The following PLXDC2 variants were observed in gnomAD, a reference collection of about 807,000 sequenced individuals.
The protein encoded by PLXDC2 is plexin domain containing 2.
PLXDC2 carries 40 observed loss-of-function variants against 68.9 expected under a neutral mutation model. That is an observed-to-expected ratio of 0.58 (90% confidence interval 0.45 to 0.76). The LOEUF (loss-of-function observed/expected upper bound fraction) is 0.76, where lower values mean the gene tolerates loss of function less well. Among genes scored for constraint, PLXDC2 ranks in the 30% least tolerant of loss-of-function variants. PLXDC2 has a pLI of 0.00. For synonymous variants in PLXDC2, 243 were observed against 234.2 expected (o/e 1.04, Z -0.34); for missense variants, 644 against 661.9 (o/e 0.97, Z 0.30).
chr10:20,057,954 T>A (rs948450503), intron 3 of PLXDC2, among the ~76,000 whole-genome samples: 15 of 152,098 alleles, frequency 9.9e-5, no homozygotes, highest in African/African-American at 3.1e-4. Context: ...CTCTTTGTGT[T>A]ATTTTTTGTA....
chr10:20,238,175 T>C (rs1260439908), intron 12 of PLXDC2, among the ~76,000 whole-genome samples: 2 of 149,664 alleles, frequency 1.3e-5, no homozygotes, highest in African/African-American at 4.9e-5. Flanking sequence ...TACATATATA[T>C]ACAAATATAT....
chr10:19,935,163 G>C (rs1157117750), intron 1 of PLXDC2, among the ~76,000 whole-genome samples: 1 of 152,156 alleles, frequency 6.6e-6, no homozygotes, highest in Admixed American at 6.5e-5. Context: ...CCCTTCCTTG[G>C]AGTTCACGGG....
At chr10:19,934,058 T>G (rs1012518579) in intron 1 of PLXDC2, among the ~76,000 whole-genome samples, 4 of 152,236 alleles carry the variant, frequency 2.6e-5, no homozygotes, top group African/African-American at 9.6e-5. Flanking sequence ...TCCTTACTTT[T>G]TCTTCCAATT....
At chr10:19,915,442 T>C (rs1425366318) in intron 1 of PLXDC2, among the ~76,000 whole-genome samples, 1 of 152,236 alleles carries the variant, frequency 6.6e-6, no homozygotes, top group Non-Finnish European at 1.5e-5. Context: ...AAATGTCTTC[T>C]TTACATACAT....
At chr10:20,134,727 A>G (rs1410316841) in intron 4 of PLXDC2, among the ~76,000 whole-genome samples, 1 of 151,972 alleles carries the variant, frequency 6.6e-6, no homozygotes, top group African/African-American at 2.4e-5. Flanking sequence ...GTGCCACATC[A>G]TTCATCCTGG....
chr10:19,850,114 A>G (rs755118675), intron 1 of PLXDC2, among the ~76,000 whole-genome samples: 46 of 152,164 alleles, frequency 3.0e-4, no homozygotes, highest in Admixed American at 7.9e-4. Flanking sequence ...CACCCTCTAA[A>G]GAGAGCAATG....
intron 2 of PLXDC2, among the ~76,000 whole-genome samples, chr10:20,029,148 T>A (rs1247740953): frequency 6.6e-6 from 1 of 152,176 alleles, no homozygotes; most frequent in Non-Finnish European, 1.5e-5. Context: ...TGAACCTTAT[T>A]TTTCTTACCT....
At chr10:19,903,642 A>G (rs1488989585) in intron 1 of PLXDC2, among the ~76,000 whole-genome samples, 1 of 147,902 alleles carries the variant, frequency 6.8e-6, no homozygotes, top group African/African-American at 2.5e-5. Flanking sequence ...TGTTTCATTT[A>G]TCTTTTATAT....
chr10:19,965,461 C>T (rs958085636), intron 1 of PLXDC2, among the ~76,000 whole-genome samples: 2 of 152,080 alleles, frequency 1.3e-5, no homozygotes, highest in African/African-American at 2.4e-5. Flanking sequence ...AAGAAATCAC[C>T]TTTTAATATA....
intron 6 of PLXDC2, among the ~76,000 whole-genome samples, chr10:20,156,600 T>A (rs10128246): frequency 0.036 from 5,499 of 152,230 alleles, 337 homozygotes; most frequent in African/African-American, 0.13. Context: ...AGGTGGATTT[T>A]ACTTATCATC....
In PLXDC2 at chr10:19,871,899, A is replaced by C. The variant is rs200947531; in HGVS notation, c.112+54708A>C. Among the ~76,000 whole-genome samples the C allele has an allele frequency of 2.0e-3, 292 of 146,750 alleles. 6 individuals are homozygous for C. The East Asian group carries it at 0.047, about 24-fold the overall frequency. On this transcript the variant is annotated intron_variant, in intron 1 of 13. Coordinates refer to ENST00000377252, the MANE Select transcript of PLXDC2 (RefSeq NM_032812.9). ...GAAACTGTCAAAAAAAAAAAAAAAAACACAAAAAACTTACATTGTTTACCA... is the reference window on the plus strand; with the variant it reads ...GAAACTGTCAAAAAAAAAAAAAAAACCACAAAAAACTTACATTGTTTACCA...
At chr10:20,234,096 G>A (rs1268211443) in intron 12 of PLXDC2, among the ~76,000 whole-genome samples, 1 of 151,932 alleles carries the variant, frequency 6.6e-6, no homozygotes. Context: ...CTAAGTGCTG[G>A]GATTGCAGAT....
intron 12 of PLXDC2, among the ~76,000 whole-genome samples, chr10:20,229,491 C>T (rs1835331464): frequency 7.6e-6 from 1 of 131,728 alleles, no homozygotes; most frequent in Non-Finnish European, 1.5e-5. Context: ...GCGTATTACT[C>T]ACGTAATATG....
chr10:20,262,223 C>G (rs561183222), intron 13 of PLXDC2, among the ~76,000 whole-genome samples: 280 of 152,326 alleles, frequency 1.8e-3, no homozygotes, highest in Admixed American at 4.9e-3. Context: ...CTTGTGAACC[C>G]ACTCCACCAA....
At chr10:19,923,143 A>G (rs552487971) in intron 1 of PLXDC2, among the ~76,000 whole-genome samples, 1 of 152,342 alleles carries the variant, frequency 6.6e-6, no homozygotes, top group Admixed American at 6.5e-5. Context: ...GTAAATTGCC[A>G]GCATTAAGCA....
intron 3 of PLXDC2, among the ~76,000 whole-genome samples, chr10:20,052,192 T>A (rs1835915402): frequency 6.6e-6 from 1 of 152,096 alleles, no homozygotes; most frequent in South Asian, 2.1e-4. Context: ...TCTTATAAAT[T>A]TATTTGCTAG....
At chr10:19,872,429 C>T (rs975695499) in intron 1 of PLXDC2, among the ~76,000 whole-genome samples, 1 of 152,218 alleles carries the variant, frequency 6.6e-6, no homozygotes, top group African/African-American at 2.4e-5. Context: ...TCAGTGGCCT[C>T]ATAAGGAGAA....
chr10:20,242,490 A>T (rs1305730030), intron 12 of PLXDC2, among the ~76,000 whole-genome samples: 1 of 152,182 alleles, frequency 6.6e-6, no homozygotes, highest in Non-Finnish European at 1.5e-5. Flanking sequence ...TTAACTGAAG[A>T]CCAGACAGAT....
chr10:20,054,518 T>C (rs1238968225), intron 3 of PLXDC2, among the ~76,000 whole-genome samples: 1 of 151,842 alleles, frequency 6.6e-6, no homozygotes, highest in Non-Finnish European at 1.5e-5. Flanking sequence ...TAGACAGATA[T>C]ATTAATAGAT....
Sources: gnomAD v4.1 joint callset for allele counts (sites outside exome capture counted in the v4.1 genomes callset) on GRCh38, gnomAD v4.1.1 for gene constraint, MANE v1.5 for transcripts, NCBI Gene and HGNC (gene_info 2026-07-23, HGNC 2026-07-21) for gene names.